MTIF3: variants seen among roughly 807,000 people sequenced by gnomAD.
The protein encoded by MTIF3 is translation initiation factor IF-3, mitochondrial.
In MTIF3, 13 loss-of-function variants were observed where a neutral mutation model predicts 20.7. That is an observed-to-expected ratio of 0.63 (90% CI 0.41 to 1.00). MTIF3 has a LOEUF of 1.00. MTIF3 is among the 50% of genes least tolerant of loss of function. The probability of loss-of-function intolerance (pLI) is 0.00; values close to 1 mark genes in which losing one functional copy is unlikely to be tolerated. For missense variants in MTIF3, 295 were observed against 324.5 expected (o/e 0.91, Z 0.70); for synonymous variants, 114 against 112.5 (o/e 1.01, Z -0.08).
Position 27,440,037 on chromosome 13 carries a change from G to A in MTIF3, c.412C>T (p.Gln138Ter), listed in dbSNP as rs1441914477. The part of the protein sequence containing the change: ...YQLMTGLQIL[Q>*]ERQRLREMEK... ...ATCTCCCTCAGCCTCTGCCGCTCCTGGAGGATCTGCAATCCTGTCATGAGC... is the reference window on the plus strand; with the variant it reads ...ATCTCCCTCAGCCTCTGCCGCTCCTAGAGGATCTGCAATCCTGTCATGAGC... Residue 138 changes from glutamine to a stop codon, truncating the protein, a stop_gained, in exon 3 of 5, where the codon CAG (glutamine) becomes TAG (stop). Transcript: ENST00000381120. LOFTEE classifies it high-confidence loss of function. 1 of 1,614,222 alleles carries A rather than the reference G, an allele frequency of 6.2e-7. No individual in the cohort carries two copies. The highest frequency in any genetic ancestry group is 1.7e-5 in the Admixed American group (1 of 60,020).
rs141983211 is a variant in MTIF3, at chr13:27,435,854, T to C, written c.658A>G (p.Ile220Val). ...FHQILQTMPG[I>V]ATFSSRPQAV... The stretch of plus-strand genomic sequence containing the variant: ...TGTGGCCTAGATGAGAATGTAGCTA[T>C]TCCAGGCATAGTCTGGAGTATTTGA... Residue 220 changes from isoleucine (I) to valine (V), a missense_variant, in exon 5 of 5, where the codon ATA becomes GTA. Transcript: ENST00000381120. 4.6e-5 allele frequency: 74 copies of C among 1,613,914 alleles called. No homozygotes were observed. In the East Asian group the frequency reaches 1.6e-3, roughly 34 times the overall value.
chr13:27,442,136 A>G (rs1480984147), intron 2 of MTIF3, among the ~76,000 whole-genome samples: 1 of 152,196 alleles, frequency 6.6e-6, no homozygotes, highest in Admixed American at 6.5e-5. Context: ...TCAAAGTTCA[A>G]TGCTTTGCCT....
intron 2 of MTIF3, among the ~76,000 whole-genome samples, chr13:27,441,708 G>A (rs1954007313): frequency 6.6e-6 from 1 of 152,146 alleles, no homozygotes; most frequent in Admixed American, 6.5e-5. Flanking sequence ...ATCTCATCTA[G>A]GGCATGCTAG....
chr13:27,436,745 ATT>A (rs66903644), intron 4 of MTIF3, among the ~76,000 whole-genome samples: 191 of 90,166 alleles, frequency 2.1e-3, no homozygotes, highest in Non-Finnish European at 3.1e-3. Context: ...ATTTTCTACA[ATT>A]TTTTTTTTTT....
intron 1 of MTIF3, among the ~76,000 whole-genome samples, chr13:27,446,772 G>T (rs1954193656): frequency 6.6e-6 from 1 of 151,996 alleles, no homozygotes; most frequent in Non-Finnish European, 1.5e-5. Context: ...AATGCATAGT[G>T]CCTTTATTTC....
Position 27,444,254 on chromosome 13 carries a change from G to A in MTIF3, c.-2+834C>T, listed in dbSNP as rs192947592. Among the ~76,000 whole-genome samples, 22 of 151,946 alleles carry A rather than the reference G, an allele frequency of 1.4e-4. No individual in the cohort carries two copies. The East Asian group carries it at 2.9e-3, about 20-fold the overall frequency. ...CCGGGAGGCGGAGCTAGCAGTGAGC[G>A]AGATTGCGCCACTGCACTCCAGCCT... is the stretch of plus-strand genomic sequence containing the variant. On this transcript the variant is annotated intron_variant, in intron 2 of 4. Coordinates refer to ENST00000381120, the MANE Select transcript of MTIF3 (RefSeq NM_152912.5).
At chr13:27,436,995 C>G (rs1474128585) in intron 4 of MTIF3, 121 bp downstream of exon 4, 1 of 942,438 alleles carries the variant, frequency 1.1e-6, no homozygotes, top group East Asian at 2.5e-5. Flanking sequence ...TCGTGATCCG[C>G]CCACCTTGGC....
In MTIF3 at chr13:27,450,562, T is replaced by TTC. The variant is rs1954338304; in HGVS notation, c.-125_-124insGA. On this transcript the variant is annotated 5_prime_UTR_variant, in exon 1 of 5. Transcript: ENST00000381120. ...GTAGCGGACGCAAGTACAGCGGATC[T>TTC]GCGGCGAGTCCCCTTCGCTCTCCGT... The TTC allele has an allele frequency of 7.2e-6, 1 of 139,474 alleles. No individual in the cohort carries two copies. The highest frequency in any genetic ancestry group is 1.5e-5 in the Non-Finnish European group (1 of 68,032). 8.6% of individuals were successfully genotyped at this position (139,474 alleles called of 1,614,324 possible).
At position 27,440,222 on chromosome 13, in the gene MTIF3, C is replaced by A. The variant is rs551827911; in HGVS notation, c.227G>T (p.Ser76Ile). 1.2e-6 allele frequency: 2 copies of A among 1,614,222 alleles called. No homozygotes were observed. Among genetic ancestry groups the A allele is most frequent in the Non-Finnish European group, 1.7e-6 (2 of 1,180,038 alleles). The change falls in exon 3 of 5, where the codon AGT (serine) becomes ATT (isoleucine). Residue 76 changes from serine (S) to isoleucine (I), a missense_variant. Ser to Ile is a moderately radical substitution (Grantham distance 142). Coordinates refer to ENST00000381120, the MANE Select transcript of MTIF3 (RefSeq NM_152912.5). ...CTGACTAATTTTTCTTCCAACGTTA[C>A]TAAAAGCTGTTTTATTCTTTTTTGT... The part of the protein sequence containing the change: ...KKTKKNKTAF[S>I]NVGRKISQRV...
intron 2 of MTIF3, 146 bp from the exon 3 acceptor site, chr13:27,440,595 C>T (rs2138110646): frequency 6.3e-6 from 4 of 637,986 alleles, no homozygotes; most frequent in South Asian, 2.2e-5. Flanking sequence ...CTTTCAGATC[C>T]ACACACAGGA....
At chr13:27,439,894 TC>T (rs1402062195) in intron 3 of MTIF3, 94 bp downstream of exon 3, 2 of 1,071,836 alleles carry the variant, frequency 1.9e-6, no homozygotes, top group South Asian at 1.6e-5. Flanking sequence ...GTTTCTCATT[TC>T]CCTCTTGTCA....
chr13:27,436,481 C>T (rs1953755930), intron 4 of MTIF3, among the ~76,000 whole-genome samples: 1 of 151,672 alleles, frequency 6.6e-6, no homozygotes, highest in Non-Finnish European at 1.5e-5. Context: ...AGAAGACAGT[C>T]TACGTAATTA....
chr13:27,439,939 C>G (rs1355610216), intron 3 of MTIF3, 50 bp downstream of exon 3: 4 of 1,519,450 alleles, frequency 2.6e-6, no homozygotes, highest in Non-Finnish European at 3.6e-6. Context: ...ATTTAAACTG[C>G]TGATTTGTAG....
intron 1 of MTIF3, chr13:27,449,969 A>AT (rs1435050842): frequency 1.3e-5 from 2 of 152,310 alleles, no homozygotes; most frequent in African/African-American, 2.4e-5. Context: ...ACCTTCCCCC[A>AT]TAAGGCCTCC....
At position 27,437,149 on chromosome 13, in the gene MTIF3, T is replaced by A; in HGVS notation, c.585A>T (p.Lys195Asn). ...KKHLVQITIK[K>N]GKNVDVSENE... ...TTTCTGACACGTCTACATTTTTTCCTTTCTTTATGGTAATCTGGACTAGGT... is the reference window on the plus strand; with the variant it reads ...TTTCTGACACGTCTACATTTTTTCCATTCTTTATGGTAATCTGGACTAGGT... The change falls in exon 4 of 5, where the codon AAA (lysine) becomes AAT (asparagine). Residue 195 changes from lysine (K) to asparagine (N), a missense_variant. Lys to Asn is a moderately conservative substitution (Grantham distance 94). Transcript: ENST00000381120. 1 of 1,613,844 alleles carries A rather than the reference T, an allele frequency of 6.2e-7. No individual in the cohort carries two copies. The highest frequency in any genetic ancestry group is 1.1e-5 in the South Asian group (1 of 91,062).
At chr13:27,440,567 G>C in intron 2 of MTIF3, 118 bp from the exon 3 acceptor site, 2 of 744,608 alleles carry the variant, frequency 2.7e-6, no homozygotes, top group Non-Finnish European at 2.1e-6. Context: ...AAGTGTGAGG[G>C]AAATGCTGTT....
At chr13:27,445,284 A>G (rs1954146666) in intron 1 of MTIF3, 128 bp from the exon 2 acceptor site, 1 of 152,214 alleles carries the variant, frequency 6.6e-6, no homozygotes, top group Non-Finnish European at 1.5e-5. Context: ...GTTTGAGACC[A>G]GCCCGGGACA....
intron 1 of MTIF3, among the ~76,000 whole-genome samples, chr13:27,448,829 A>G (rs1954261176): frequency 6.6e-6 from 1 of 152,188 alleles, no homozygotes; most frequent in South Asian, 2.1e-4. Flanking sequence ...ACTTGAGGTC[A>G]GAAGTTCAAG....
chr13:27,440,482 T>G (rs773600840), intron 2 of MTIF3, 33 bp from the exon 3 acceptor site: 1 of 1,499,630 alleles, frequency 6.7e-7, no homozygotes, highest in East Asian at 2.4e-5. Context: ...TCATTAAAAT[T>G]CAATCACTTA....
Sources: gnomAD v4.1 joint callset for allele counts (sites outside exome capture counted in the v4.1 genomes callset) on GRCh38, gnomAD v4.1.1 for gene constraint, MANE v1.5 for transcripts, NCBI Gene and HGNC (gene_info 2026-07-23, HGNC 2026-07-21) for gene names.